Variants in DGKB observed in about 807,000 individuals in gnomAD.
DGKB encodes the protein 90 kDa diacylglycerol kinase.
A neutral mutation model predicts 114.3 loss-of-function variants in DGKB; 67 were observed. That is an observed-to-expected ratio of 0.59 (90% CI 0.48 to 0.72). DGKB has a LOEUF of 0.72. DGKB is among the 30% of genes least tolerant of loss of function. The pLI, the probability that DGKB is intolerant of heterozygous loss-of-function variation, is 0.00. For missense variants in DGKB, 907 were observed against 975.2 expected (o/e 0.93, Z 0.93); for synonymous variants, 398 against 323.1 (o/e 1.23, Z -2.49).
intron 7 of DGKB, among the ~76,000 whole-genome samples, chr7:14,700,687 G>A (rs1563953421): frequency 6.6e-6 from 1 of 152,080 alleles, no homozygotes; most frequent in Admixed American, 6.5e-5. Flanking sequence ...CAACCTCATT[G>A]CTTTGCTTTT....
chr7:14,430,023 C>T (rs1005179676), intron 21 of DGKB, among the ~76,000 whole-genome samples: 1 of 152,088 alleles, frequency 6.6e-6, no homozygotes, highest in African/African-American at 2.4e-5. Context: ...GAAATGATTG[C>T]TTTTTACTGA....
intron 4 of DGKB, among the ~76,000 whole-genome samples, chr7:14,740,540 C>T (rs1423709601): frequency 6.6e-6 from 1 of 152,140 alleles, no homozygotes; most frequent in Non-Finnish European, 1.5e-5. Flanking sequence ...GTCCCAAACT[C>T]AATTCCAAGC....
intron 20 of DGKB, among the ~76,000 whole-genome samples, chr7:14,569,956 G>A (rs1798132028): frequency 6.6e-6 from 1 of 151,088 alleles, no homozygotes; most frequent in Non-Finnish European, 1.5e-5. Flanking sequence ...TTTTGTTATT[G>A]TTTCTGGAAA....
intron 21 of DGKB, among the ~76,000 whole-genome samples, chr7:14,424,915 A>C (rs1381102920): frequency 6.6e-6 from 1 of 152,154 alleles, no homozygotes; most frequent in Non-Finnish European, 1.5e-5. Flanking sequence ...ATTGCCAGCC[A>C]AAGATAGATA....
At chr7:14,773,600 C>T (rs961560926) in intron 2 of DGKB, among the ~76,000 whole-genome samples, 1 of 151,946 alleles carries the variant, frequency 6.6e-6, no homozygotes, top group Non-Finnish European at 1.5e-5. Context: ...CAGTGTAGTC[C>T]CCTTTGTTAG....
chr7:14,516,649 T>A (rs1200020062), intron 20 of DGKB, among the ~76,000 whole-genome samples: 1 of 152,184 alleles, frequency 6.6e-6, no homozygotes, highest in Admixed American at 6.5e-5. Context: ...ATGAATGGGA[T>A]TGCATTCTTG....
intron 20 of DGKB, among the ~76,000 whole-genome samples, chr7:14,550,941 C>A (rs2128641730): frequency 6.6e-6 from 1 of 152,236 alleles, no homozygotes; most frequent in South Asian, 2.1e-4. Flanking sequence ...ACAAAAAATT[C>A]TTCCTTTTTA....
At chr7:14,366,139 T>C (rs1816639785) in intron 21 of DGKB, among the ~76,000 whole-genome samples, 2 of 152,160 alleles carry the variant, frequency 1.3e-5, no homozygotes, top group Non-Finnish European at 2.9e-5. Flanking sequence ...AGACTTTAGA[T>C]GTAGACTGTT....
chr7:14,603,958 T>A (rs1212942262), intron 17 of DGKB, among the ~76,000 whole-genome samples: 1 of 152,156 alleles, frequency 6.6e-6, no homozygotes, highest in Non-Finnish European at 1.5e-5. Context: ...ATAAGTCACA[T>A]TAACATGTGA....
intron 23 of DGKB, among the ~76,000 whole-genome samples, chr7:14,205,404 G>T (rs1482038799): frequency 3.9e-5 from 6 of 151,902 alleles, no homozygotes; most frequent in African/African-American, 1.4e-4. Flanking sequence ...ATGTTTTAAA[G>T]CTTCTCTTTC....
chr7:14,680,195 T>A (rs1276208366), intron 12 of DGKB, among the ~76,000 whole-genome samples: 4 of 151,920 alleles, frequency 2.6e-5, no homozygotes, highest in Non-Finnish European at 5.9e-5. Context: ...CCTTGTTTCC[T>A]AAATAGAGCT....
In DGKB at chr7:14,145,795, G is replaced by A. The variant is rs1042080606; in HGVS notation, c.*3336C>T. 8 of 152,054 alleles carry A rather than the reference G, an allele frequency of 5.3e-5. No individual in the cohort carries two copies. The highest frequency in any genetic ancestry group is 1.0e-4 in the Non-Finnish European group (7 of 68,004). 9.4% of individuals were successfully genotyped at this position (152,054 alleles called of 1,614,324 possible). ...TATAACCAATGAACAACAAACTAAC[G>A]TTGACACAAAAAGGAAAAGAATGAT... On this transcript the variant is annotated 3_prime_UTR_variant, in exon 26 of 26. Transcript: ENST00000402815.
chr7:14,358,826 T>C (rs1456849108), intron 21 of DGKB, among the ~76,000 whole-genome samples: 1 of 152,172 alleles, frequency 6.6e-6, no homozygotes, highest in Non-Finnish European at 1.5e-5. Flanking sequence ...TGGAAGAACA[T>C]TCCATGCTCA....
chr7:14,252,894 G>A (rs561254472), intron 23 of DGKB, among the ~76,000 whole-genome samples: 86 of 152,204 alleles, frequency 5.7e-4, no homozygotes, highest in African/African-American at 1.8e-3. Flanking sequence ...CTAGTGTTGC[G>A]TGTAAGGGGA....
At chr7:14,622,035 T>C (rs1807748944) in intron 14 of DGKB, among the ~76,000 whole-genome samples, 1 of 152,014 alleles carries the variant, frequency 6.6e-6, no homozygotes. Context: ...TGCTCCCTGT[T>C]TCTATTTCCT....
chr7:14,149,233 T>G lies in DGKB; in HGVS notation c.2310A>C (p.Lys770Asn), dbSNP rs755545920. The part of the protein sequence containing the change: ...EPWMQTPCTI[K>N]ITHKNQAPML... ...TTGGGGCTTGGTTCTTGTGTGTAAT[T>G]TTTATCTAGAAAAAAAGAGAGAGAG... The change falls in exon 26 of 26, where the codon AAA becomes AAC. Residue 770 changes from lysine to asparagine, a missense_variant. This residue lies in a region of DGKB where 58 missense variants were observed against 52.5 expected (regional missense o/e 1.10). Transcript: ENST00000402815. 1.9e-6 allele frequency: 3 copies of G among 1,610,922 alleles called. No homozygotes were observed. The South Asian group carries it at 3.3e-5, about 18-fold the overall frequency.
intron 20 of DGKB, among the ~76,000 whole-genome samples, chr7:14,516,708 T>C (rs755614922): frequency 2.6e-5 from 4 of 152,168 alleles, no homozygotes; most frequent in Non-Finnish European, 5.9e-5. Flanking sequence ...GCTACTAATT[T>C]TTATACATTG....
At chr7:14,576,640 C>G (rs368406445) in intron 19 of DGKB, among the ~76,000 whole-genome samples, 73 of 152,110 alleles carry the variant, frequency 4.8e-4, no homozygotes, top group African/African-American at 1.7e-3. Flanking sequence ...TGAATTTTTT[C>G]TCAGTCATGT....
intron 17 of DGKB, among the ~76,000 whole-genome samples, chr7:14,593,537 A>C (rs898377180): frequency 2.6e-5 from 4 of 151,990 alleles, no homozygotes; most frequent in Non-Finnish European, 5.9e-5. Flanking sequence ...ATCATATAGA[A>C]AATATTTATA....
Sources: gnomAD v4.1 joint callset for allele counts (sites outside exome capture counted in the v4.1 genomes callset) on GRCh38, gnomAD v4.1.1 for gene constraint, gnomAD v4.1.1 regional missense constraint, MANE v1.5 for transcripts, NCBI Gene and HGNC (gene_info 2026-07-23, HGNC 2026-07-21) for gene names.